The following PP2D1 variants were observed in gnomAD, a reference collection of about 807,000 sequenced individuals.
PP2D1 encodes protein phosphatase 2C-like domain-containing protein 1.
PP2D1 carries 25 observed loss-of-function variants against 30.2 expected under a neutral mutation model. That is an observed-to-expected ratio of 0.83 (90% CI 0.60 to 1.16). The LOEUF is 1.16. Among genes scored for constraint, PP2D1 ranks in the 50% most tolerant of loss-of-function variants. PP2D1 has a pLI of 0.00. For synonymous variants in PP2D1, 260 were observed against 258.9 expected (o/e 1.00, Z -0.04); for missense variants, 760 against 742.4 (o/e 1.02, Z -0.28).
intron 1 of PP2D1, among the ~76,000 whole-genome samples, chr3:20,010,260 T>C (rs374023125): frequency 6.2e-4 from 94 of 152,180 alleles, no homozygotes; most frequent in African/African-American, 2.0e-3. Context: ...CATGCTTAGC[T>C]GATTTTTGTA....
intron 2 of PP2D1, 61 bp downstream of exon 2, chr3:20,000,969 G>A (rs745319032): frequency 2.3e-5 from 21 of 920,736 alleles, no homozygotes; most frequent in Non-Finnish European, 2.9e-6. Context: ...AAGCATGAGG[G>A]GTTTTGCTGC....
chr3:19,988,345 T>C (rs985966151), intron 2 of PP2D1, among the ~76,000 whole-genome samples: 2 of 152,180 alleles, frequency 1.3e-5, no homozygotes, highest in Admixed American at 6.6e-5. Context: ...GAATGTCTCT[T>C]GTACGGTTGC....
chr3:19,986,146 C>T lies in PP2D1; in HGVS notation c.1127G>A (p.Gly376Asp). 6.6e-7 allele frequency: 1 copy of T among 1,521,904 alleles called. No individual in the cohort carries two copies. The highest frequency in any genetic ancestry group is 1.2e-5 in the South Asian group (1 of 80,744). 94.3% of individuals were successfully genotyped at this position (1,521,904 alleles called of 1,614,324 possible). A position where few individuals can be genotyped will look rare whatever the true frequency, so the allele number is the denominator to read the frequency against. The part of the protein sequence containing the change: ...VQAVLCRNGK[G>D]FCLTKEHTTR... Reference sequence around the variant, plus strand: ...AGTATGTTCTTTGGTTAGGCAAAAACCTTTCCCATTTCTGCATAAGACTGC... The same window carrying T: ...AGTATGTTCTTTGGTTAGGCAAAAATCTTTCCCATTTCTGCATAAGACTGC... The change falls in exon 3 of 3, where the codon GGT becomes GAT. Residue 376 changes from glycine to aspartate, a missense_variant. Gly to Asp is a moderately conservative substitution (Grantham distance 94). Around this residue, in one of 3 missense-constraint regions of PP2D1, gnomAD observed 369 missense variants for 316.2 expected, o/e 1.17. Coordinates refer to ENST00000389050, the MANE Select transcript of PP2D1 (RefSeq NM_001252657.2).
intron 1 of PP2D1, among the ~76,000 whole-genome samples, chr3:20,006,697 T>C (rs1697321535): frequency 6.6e-6 from 1 of 152,038 alleles, no homozygotes; most frequent in Non-Finnish European, 1.5e-5. Context: ...CCTGGCCTCA[T>C]GTGATCCACC....
chr3:20,012,057 CA>C lies in PP2D1; in HGVS notation c.15del (p.Asn5LysfsTer3). 1 of 1,531,398 alleles carries C rather than the reference CA, an allele frequency of 6.5e-7. No individual in the cohort carries two copies. The highest frequency in any genetic ancestry group is 8.7e-7 in the Non-Finnish European group (1 of 1,143,620). The allele number at this position is 1,531,398 out of a possible 1,614,324, so 94.9% of individuals were successfully genotyped here. On this transcript the variant is annotated frameshift_variant, in exon 1 of 3. Coordinates refer to ENST00000389050, the MANE Select transcript of PP2D1 (RefSeq NM_001252657.2). LOFTEE classifies it high-confidence loss of function. MSTNNALRVFWKSRE... is the reference protein window; with the variant it reads MSTNXALRVFWKSRE... ...AGATTTAAGAAAGTTTACCTTAAAG[CA>C]TTATTGGTGCTCATGTTCCTTTGGA...
At chr3:19,987,016 A>C (rs1428584459) in intron 2 of PP2D1, among the ~76,000 whole-genome samples, 1 of 149,920 alleles carries the variant, frequency 6.7e-6, no homozygotes, top group Non-Finnish European at 1.5e-5. Flanking sequence ...CAGCCTGGGC[A>C]ACAAGAGCAA....
downstream of PP2D1, chr3:19,984,494 T>C (rs1391705347): frequency 4.6e-6 from 1 of 217,808 alleles, no homozygotes; most frequent in Middle Eastern, 1.6e-3. Context: ...AAATGCACCT[T>C]AATGGTCAGT....
Position 20,012,132 on chromosome 3 carries a change from C to T in PP2D1, c.-60G>A, listed in dbSNP as rs1697396340. 1.2e-5 allele frequency: 17 copies of T among 1,396,808 alleles called. No individual in the cohort carries two copies. The South Asian group carries it at 2.2e-4, about 18-fold the overall frequency. 86.5% of individuals were successfully genotyped at this position (1,396,808 alleles called of 1,614,324 possible). Reference sequence around the variant, plus strand: ...TATCCCCTTCCCCTGGCCTCTATTTCTCCAACTTGAGTAGTGATGGTGATG... The same window carrying T: ...TATCCCCTTCCCCTGGCCTCTATTTTTCCAACTTGAGTAGTGATGGTGATG... On this transcript the variant is annotated 5_prime_UTR_variant, in exon 1 of 3. Coordinates refer to ENST00000389050, the MANE Select transcript of PP2D1 (RefSeq NM_001252657.2).
At chr3:19,988,093 G>A (rs1423181381) in intron 2 of PP2D1, among the ~76,000 whole-genome samples, 1 of 152,126 alleles carries the variant, frequency 6.6e-6, no homozygotes, top group African/African-American at 2.4e-5. Context: ...CATAAACCAT[G>A]TGTGTTTAAA....
At chr3:19,984,744 CTG>C (rs1035647077), downstream of PP2D1, 34 of 153,122 alleles carry the variant, frequency 2.2e-4, no homozygotes, top group African/African-American at 7.9e-4. Flanking sequence ...GTCTCCATAT[CTG>C]TATTACTTTT....
At chr3:20,002,644 G>C (rs1463046882) in intron 1 of PP2D1, among the ~76,000 whole-genome samples, 1 of 152,204 alleles carries the variant, frequency 6.6e-6, no homozygotes, top group Non-Finnish European at 1.5e-5. Context: ...AGAAGGCCAG[G>C]CACGGTGGCT....
downstream of PP2D1, among the ~76,000 whole-genome samples, chr3:19,982,726 C>T (rs1696953468): frequency 6.7e-6 from 1 of 149,688 alleles, no homozygotes; most frequent in African/African-American, 2.5e-5. Context: ...CATACCACTG[C>T]ACTTAATCCT....
In PP2D1 at chr3:20,008,904, G is replaced by GA. The variant is rs575684698; in HGVS notation, c.23+3145dup. 4.6e-3 allele frequency among the ~76,000 whole-genome samples: 697 copies of GA among 151,880 alleles called. 3 individuals are homozygous for GA. The highest frequency in any genetic ancestry group is 0.015 in the African/African-American group (637 of 41,402). On this transcript the variant is annotated intron_variant, in intron 1 of 2. Transcript: ENST00000389050. ...GAGTTGGTGGTACCTAGGGGACACT[G>GA]AAAAAAAAGCCTGCTCATTCTGCCC...
chr3:20,000,856 C>T, intron 2 of PP2D1, 174 bp downstream of exon 2: 3 of 394,554 alleles, frequency 7.6e-6, no homozygotes, highest in Non-Finnish European at 8.9e-6. Context: ...TATTTTTGTG[C>T]CTGCAATCTG....
At chr3:20,009,747 T>G (rs947393806) in intron 1 of PP2D1, among the ~76,000 whole-genome samples, 1 of 152,168 alleles carries the variant, frequency 6.6e-6, no homozygotes, top group African/African-American at 2.4e-5. Context: ...CACGTGGCAA[T>G]ATAAATAAAA....
chr3:20,004,660 A>T (rs1019091575), intron 1 of PP2D1, among the ~76,000 whole-genome samples: 1 of 152,182 alleles, frequency 6.6e-6, no homozygotes, highest in Non-Finnish European at 1.5e-5. Flanking sequence ...ACGCCTTCCT[A>T]TCAGAAACAT....
intron 2 of PP2D1, among the ~76,000 whole-genome samples, chr3:19,990,923 T>C (rs1431516849): frequency 1.3e-5 from 2 of 152,050 alleles, no homozygotes; most frequent in African/African-American, 4.8e-5. Flanking sequence ...GAAAGGACAA[T>C]TTGACTTTTG....
downstream of PP2D1, chr3:19,984,129 A>G: frequency 2.4e-6 from 1 of 412,582 alleles, no homozygotes; most frequent in Non-Finnish European, 4.6e-6. Context: ...GGGCCCACAC[A>G]GTTAACCAGC....
chr3:20,002,776 T>C (rs577340132), intron 1 of PP2D1, among the ~76,000 whole-genome samples: 2 of 150,520 alleles, frequency 1.3e-5, no homozygotes, highest in South Asian at 4.2e-4. Flanking sequence ...AAAAACTAGT[T>C]CGGGCGCGGT....
Sources: gnomAD v4.1 joint callset for allele counts (sites outside exome capture counted in the v4.1 genomes callset) on GRCh38, gnomAD v4.1.1 for gene constraint, gnomAD v4.1.1 regional missense constraint, MANE v1.5 for transcripts, NCBI Gene and HGNC (gene_info 2026-07-23, HGNC 2026-07-21) for gene names.